Variants in TSNARE1 observed in about 807,000 individuals in gnomAD.
The protein encoded by TSNARE1 is t-SNARE domain-containing protein 1.
A neutral mutation model predicts 62.0 loss-of-function variants in TSNARE1; 49 were observed. The ratio of observed to expected loss-of-function variants is 0.79; its 90% CI spans 0.63 to 1.00. The LOEUF is 1.00. Ranked by LOEUF, TSNARE1 falls within the 50% of genes least tolerant of loss-of-function variation. The probability of loss-of-function intolerance (pLI) is 0.00; values close to 1 mark genes in which losing one functional copy is unlikely to be tolerated. For missense variants in TSNARE1, 755 were observed against 700.1 expected (o/e 1.08, Z -0.88); for synonymous variants, 328 against 294.4 (o/e 1.11, Z -1.17).
rs1830939756 is a variant in TSNARE1, at chr8:142,330,930, C to CGGT, written c.861_863dup (p.Pro288dup). ...TGTCCCGAAGCTCCTGCGTGTCACT[C>CGGT]GGTGTCCCTAAGGACTGAAGGCTCC... On this transcript the variant is annotated inframe_insertion, in exon 6 of 14. Transcript: ENST00000524325. The CGGT allele has an allele frequency of 9.9e-6, 16 of 1,614,110 alleles. No homozygotes were observed. The highest frequency in any genetic ancestry group is 1.4e-5 in the Non-Finnish European group (16 of 1,180,008).
chr8:142,386,978 A>G (rs1837156265), intron 1 of TSNARE1, among the ~76,000 whole-genome samples: 1 of 152,230 alleles, frequency 6.6e-6, no homozygotes, highest in Admixed American at 6.5e-5. Flanking sequence ...TATACACATC[A>G]AACTTCCGTA....
intron 1 of TSNARE1, among the ~76,000 whole-genome samples, chr8:142,394,315 G>C (rs567887136): frequency 1.3e-5 from 2 of 152,366 alleles, no homozygotes; most frequent in East Asian, 1.9e-4. Context: ...CACAGCAGCA[G>C]GGCGGGTGGA....
At chr8:142,394,129 T>C (rs1165339020) in intron 1 of TSNARE1, among the ~76,000 whole-genome samples, 1 of 152,252 alleles carries the variant, frequency 6.6e-6, no homozygotes, top group Non-Finnish European at 1.5e-5. Context: ...GGCAGAAGCC[T>C]GCAGGCTGCC....
intron 11 of TSNARE1, chr8:142,280,155 C>T (rs935768037): frequency 1.7e-5 from 17 of 985,328 alleles, no homozygotes; most frequent in African/African-American, 8.7e-5. Context: ...GCACCCTCTG[C>T]ACCAGCACCT....
In TSNARE1 at chr8:142,242,823, G is replaced by A. The variant is rs139688310; in HGVS notation, c.1447-13244C>T. ...CTAAAAATACTAAAATTAACTGGGC[G>A]TGGTGGTGGGCACCTGTAATCCCAG... On this transcript the variant is annotated intron_variant, in intron 12 of 13. Transcript: ENST00000524325. Among the ~76,000 whole-genome samples, 792 of 152,104 alleles carry A rather than the reference G, an allele frequency of 5.2e-3. 6 individuals are homozygous for A. Among genetic ancestry groups the A allele is most frequent in the African/African-American group, 0.018 (761 of 41,494 alleles).
rs564443898 is a variant in TSNARE1 at position 142,350,523 on chromosome 8, A to G, written c.88+4114T>C. On this transcript the variant is annotated intron_variant, in intron 2 of 13. Transcript: ENST00000524325. Reference sequence around the variant, plus strand: ...AGTTTTACAGCAAAAACCCAGAAACATTCAAGGAATACATAATCCTGTTCT... The same window carrying G: ...AGTTTTACAGCAAAAACCCAGAAACGTTCAAGGAATACATAATCCTGTTCT... Among the ~76,000 whole-genome samples, 8 of 152,346 alleles carry G rather than the reference A, an allele frequency of 5.3e-5. No homozygotes were observed. The South Asian group carries it at 1.7e-3, about 32-fold the overall frequency.
chr8:142,297,550 A>C (rs570341686), intron 10 of TSNARE1, among the ~76,000 whole-genome samples: 28 of 152,212 alleles, frequency 1.8e-4, no homozygotes, highest in African/African-American at 6.5e-4. Flanking sequence ...ATGTGGGAGG[A>C]GAGATGAGGG....
At position 142,352,559 on chromosome 8, in the gene TSNARE1, C is replaced by G. The variant is rs116128412; in HGVS notation, c.88+2078G>C. 6.0e-3 allele frequency among the ~76,000 whole-genome samples: 918 copies of G among 152,384 alleles called. 10 individuals carry two copies. The highest frequency in any genetic ancestry group is 0.021 in the African/African-American group (861 of 41,594). ...GCATCCCTGAGATGCGGAACACGCA[C>G]AGACGCCGCGGTGTGCTCACAGAAC... On this transcript the variant is annotated intron_variant, in intron 2 of 13. Transcript: ENST00000524325.
chr8:142,322,797 C>T (rs1829658290), intron 6 of TSNARE1, among the ~76,000 whole-genome samples: 2 of 151,996 alleles, frequency 1.3e-5, no homozygotes, highest in South Asian at 2.1e-4. Context: ...TATGAAAGGC[C>T]GGCCTTACCG....
In TSNARE1 at chr8:142,242,947, CA is replaced by C. The variant is rs35092120; in HGVS notation, c.1447-13369del. On this transcript the variant is annotated intron_variant, in intron 12 of 13. Transcript: ENST00000524325. ...GGGCAACAAGAGTGAAACTCTGTCT[CA>C]AAAAAAAAAAAAAAAAAAAAAAGCT... Among the ~76,000 whole-genome samples, 421 of 51,358 alleles carry C rather than the reference CA, an allele frequency of 8.2e-3. 1 individual carries two copies. Among genetic ancestry groups the C allele is most frequent in the South Asian group, 0.035 (37 of 1,052 alleles). 33.7% of individuals were successfully genotyped at this position (51,358 alleles called of 152,430 possible). A position where few individuals can be genotyped will look rare whatever the true frequency, so the allele number is the denominator to read the frequency against.
intron 13 of TSNARE1, among the ~76,000 whole-genome samples, chr8:142,220,730 A>G (rs1252411939): frequency 6.6e-6 from 1 of 152,226 alleles, no homozygotes; most frequent in East Asian, 1.9e-4. Flanking sequence ...AAAGGCAAAC[A>G]GACCCTCGCA....
chr8:142,258,851 A>C (rs1223557547), intron 12 of TSNARE1, among the ~76,000 whole-genome samples: 1 of 152,148 alleles, frequency 6.6e-6, no homozygotes. Flanking sequence ...TGCTCACCTC[A>C]GAGACCCCAG....
intron 12 of TSNARE1, among the ~76,000 whole-genome samples, chr8:142,243,105 T>C (rs1817739649): frequency 6.6e-6 from 1 of 152,066 alleles, no homozygotes; most frequent in African/African-American, 2.4e-5. Context: ...ATAAGATCAA[T>C]GTTGGTGAGG....
At chr8:142,266,702 T>C (rs896012864) in intron 12 of TSNARE1, among the ~76,000 whole-genome samples, 1 of 152,198 alleles carries the variant, frequency 6.6e-6, no homozygotes, top group African/African-American at 2.4e-5. Flanking sequence ...ATGTATGTGT[T>C]CAGTATGCTC....
intron 11 of TSNARE1, chr8:142,277,785 TCA>T (rs1402943123): frequency 1.0e-6 from 1 of 985,194 alleles, no homozygotes; most frequent in African/African-American, 1.7e-5. Flanking sequence ...AGGCTGGGTC[TCA>T]GTCTAGGGCA....
intron 1 of TSNARE1, among the ~76,000 whole-genome samples, chr8:142,364,679 G>A (rs909125192): frequency 6.6e-6 from 1 of 152,210 alleles, no homozygotes; most frequent in African/African-American, 2.4e-5. Context: ...GTACGGAAGA[G>A]CTCAAATAAA....
chr8:142,370,218 T>C (rs776077631), intron 1 of TSNARE1, among the ~76,000 whole-genome samples: 8 of 152,194 alleles, frequency 5.3e-5, no homozygotes, highest in Non-Finnish European at 7.3e-5. Flanking sequence ...CTGCCATCTA[T>C]GGTATTCTGC....
At chr8:142,215,626 C>T (rs1165887840) in intron 13 of TSNARE1, among the ~76,000 whole-genome samples, 1 of 152,132 alleles carries the variant, frequency 6.6e-6, no homozygotes, top group African/African-American at 2.4e-5. Flanking sequence ...AGGGAGTCCT[C>T]CCTGCCCTCA....
intron 1 of TSNARE1, among the ~76,000 whole-genome samples, chr8:142,399,023 C>T (rs1377011555): frequency 4.6e-5 from 7 of 152,188 alleles, no homozygotes; most frequent in Admixed American, 1.3e-4. Context: ...CTGAGGACAG[C>T]CCTGGATGGC....
Sources: gnomAD v4.1 joint callset for allele counts (sites outside exome capture counted in the v4.1 genomes callset) on GRCh38, gnomAD v4.1.1 for gene constraint, MANE v1.5 for transcripts, NCBI Gene and HGNC (gene_info 2026-07-23, HGNC 2026-07-21) for gene names.